The following XIRP2 variants were observed in gnomAD, a reference collection of about 807,000 sequenced individuals.
The protein encoded by XIRP2 is xin actin-binding repeat-containing protein 2.
A neutral mutation model predicts 277.0 loss-of-function variants in XIRP2; 236 were observed. The observed-to-expected ratio is 0.85, with a 90% CI of 0.77 to 0.95. XIRP2 has a LOEUF of 0.95. Among genes scored for constraint, XIRP2 ranks in the 40% least tolerant of loss-of-function variants. The probability of loss-of-function intolerance (pLI) is 0.00; values close to 1 mark genes in which losing one functional copy is unlikely to be tolerated. For synonymous variants in XIRP2, 1,490 were observed against 1,416.5 expected, an observed-to-expected ratio of 1.05 and a Z score of -1.17; for missense variants, 4,640 against 4,157.5, an observed-to-expected ratio of 1.12 and a Z score of -3.19.
chr2:167,126,687 G>T (rs925961346), intron 2 of XIRP2, among the ~76,000 whole-genome samples: 1 of 152,094 alleles, frequency 6.6e-6, no homozygotes, highest in Admixed American at 6.6e-5. Context: ...CTTGTCATTT[G>T]CTTTCTTTGG....
chr2:166,973,725 C>T (rs1686633603), intron 2 of XIRP2, among the ~76,000 whole-genome samples: 1 of 152,196 alleles, frequency 6.6e-6, no homozygotes, highest in African/African-American at 2.4e-5. Context: ...ATTTCATTAA[C>T]ATTTGGCAAG....
intron 2 of XIRP2, among the ~76,000 whole-genome samples, chr2:166,906,248 G>C (rs764862359): frequency 6.6e-6 from 1 of 152,074 alleles, no homozygotes; most frequent in African/African-American, 2.4e-5. Context: ...CCCTTCAGTA[G>C]TAGGCACTTG....
chr2:167,124,817 G>T (rs943566598), intron 2 of XIRP2, among the ~76,000 whole-genome samples: 1 of 152,136 alleles, frequency 6.6e-6, no homozygotes, highest in Non-Finnish European at 1.5e-5. Context: ...TTCAGAGGAG[G>T]TTTCTTTAGA....
At chr2:166,927,234 C>T (rs1474019059) in intron 2 of XIRP2, among the ~76,000 whole-genome samples, 1 of 152,038 alleles carries the variant, frequency 6.6e-6, no homozygotes, top group Admixed American at 6.6e-5. Context: ...AAAATGAGCA[C>T]CACCTTAGGT....
Position 167,250,850 on chromosome 2 carries a change from C to G in XIRP2, c.9458C>G (p.Pro3153Arg). 6.2e-7 allele frequency: 1 copy of G among 1,613,488 alleles called. No homozygotes were observed. Among genetic ancestry groups the G allele is most frequent in the Non-Finnish European group, 8.5e-7 (1 of 1,179,688 alleles). Residue 3153 changes from proline (P) to arginine (R), a missense_variant, in exon 9 of 11, where the codon CCC becomes CGC. Coordinates refer to ENST00000409195, the MANE Select transcript of XIRP2 (RefSeq NM_152381.6). ...QSPKKDSYVE[P>R]PPRRPMSQKS... The stretch of plus-strand genomic sequence containing the variant: ...CCTAAAAAGGACAGTTATGTTGAAC[C>G]CCCACCAAGAAGGCCCATGTCGCAA...
intron 2 of XIRP2, among the ~76,000 whole-genome samples, chr2:167,105,434 TC>T (rs1690592800): frequency 6.6e-6 from 1 of 151,990 alleles, no homozygotes; most frequent in Admixed American, 6.6e-5. Flanking sequence ...GAATTGGCTT[TC>T]TTCATTCAGC....
intron 5 of XIRP2, among the ~76,000 whole-genome samples, chr2:167,238,667 C>T (rs543226020): frequency 6.6e-6 from 1 of 152,168 alleles, no homozygotes; most frequent in East Asian, 1.9e-4. Flanking sequence ...ATAATATACC[C>T]ATGCTCACTT....
At chr2:167,137,910 G>T (rs946828811) in intron 3 of XIRP2, among the ~76,000 whole-genome samples, 1 of 152,120 alleles carries the variant, frequency 6.6e-6, no homozygotes, top group East Asian at 1.9e-4. Flanking sequence ...CTTTCATGGG[G>T]CCCCAAATTT....
At chr2:167,254,974 C>A (rs1455482334) in intron 10 of XIRP2, among the ~76,000 whole-genome samples, 2 of 150,718 alleles carry the variant, frequency 1.3e-5, no homozygotes, top group Non-Finnish European at 3.0e-5. Flanking sequence ...CTTTAATTGA[C>A]AATGTCGAAC....
chr2:167,201,104 C>A (rs571597334), intron 3 of XIRP2, among the ~76,000 whole-genome samples: 1 of 147,670 alleles, frequency 6.8e-6, no homozygotes, highest in East Asian at 2.0e-4. Flanking sequence ...CCAACCTAGA[C>A]AACAGAGTGA....
At chr2:166,938,028 A>C (rs1685570104) in intron 2 of XIRP2, among the ~76,000 whole-genome samples, 1 of 152,072 alleles carries the variant, frequency 6.6e-6, no homozygotes, top group Non-Finnish European at 1.5e-5. Flanking sequence ...AATTTTGTTG[A>C]TCTTTTCAAA....
At chr2:167,237,692 C>A (rs1015346513) in intron 5 of XIRP2, among the ~76,000 whole-genome samples, 1 of 152,246 alleles carries the variant, frequency 6.6e-6, no homozygotes, top group African/African-American at 2.4e-5. Flanking sequence ...GGCCTCTAGG[C>A]GGAGACATGA....
intron 3 of XIRP2, among the ~76,000 whole-genome samples, chr2:167,175,317 T>A (rs1692807227): frequency 1.3e-5 from 2 of 152,312 alleles, no homozygotes; most frequent in South Asian, 2.1e-4. Context: ...TTTACCATTA[T>A]GTAGTGGATG....
At chr2:167,155,983 C>A (rs113744883) in intron 3 of XIRP2, among the ~76,000 whole-genome samples, 5,155 of 136,018 alleles carry the variant, frequency 0.038, 154 homozygotes, top group Middle Eastern at 0.097. Flanking sequence ...ATCATGAGTG[C>A]ACTCCCATTC....
intron 2 of XIRP2, among the ~76,000 whole-genome samples, chr2:167,067,131 C>T (rs1689320612): frequency 6.6e-6 from 1 of 151,820 alleles, no homozygotes; most frequent in African/African-American, 2.4e-5. Context: ...TGTTCTGCCT[C>T]CCTCCTTTCT....
chr2:167,214,141 A>G (rs867448521), intron 4 of XIRP2, among the ~76,000 whole-genome samples: 38 of 53,656 alleles, frequency 7.1e-4, no homozygotes, highest in African/African-American at 1.4e-3. Flanking sequence ...AAGGAAGCAA[A>G]GAGAAAGAGA....
At chr2:167,177,070 A>G (rs1282445816) in intron 3 of XIRP2, among the ~76,000 whole-genome samples, 1 of 152,218 alleles carries the variant, frequency 6.6e-6, no homozygotes, top group Non-Finnish European at 1.5e-5. Context: ...GGGCAGGCGT[A>G]GATCTTCTTT....
chr2:167,025,420 A>G (rs1315684239), intron 2 of XIRP2, among the ~76,000 whole-genome samples: 1 of 151,826 alleles, frequency 6.6e-6, no homozygotes, highest in Non-Finnish European at 1.5e-5. Context: ...TGGATTCATT[A>G]ATTTTTTGAA....
intron 3 of XIRP2, among the ~76,000 whole-genome samples, chr2:167,180,566 G>T (rs1360840044): frequency 2.0e-5 from 3 of 151,916 alleles, no homozygotes; most frequent in Non-Finnish European, 1.5e-5. Flanking sequence ...TCATTTTATT[G>T]TCTCCTTAAT....
Sources: gnomAD v4.1 joint callset for allele counts (sites outside exome capture counted in the v4.1 genomes callset) on GRCh38, gnomAD v4.1.1 for gene constraint, MANE v1.5 for transcripts, NCBI Gene and HGNC (gene_info 2026-07-23, HGNC 2026-07-21) for gene names.